KCNH8: variants seen among roughly 807,000 people sequenced by gnomAD.
KCNH8 encodes voltage-gated delayed rectifier potassium channel KCNH8.
A neutral mutation model predicts 103.6 loss-of-function variants in KCNH8; 70 were observed. The ratio of observed to expected loss-of-function variants is 0.68; its 90% CI spans 0.56 to 0.82. The LOEUF is 0.82. KCNH8 is among the 40% of genes least tolerant of loss of function. KCNH8 has a pLI of 0.00. For synonymous variants in KCNH8, 498 were observed against 489.4 expected (o/e 1.02, Z -0.23); for missense variants, 1,217 against 1,329.9 (o/e 0.92, Z 1.32).
chr3:19,318,860 G>A (rs1262748238), intron 3 of KCNH8, among the ~76,000 whole-genome samples: 1 of 151,564 alleles, frequency 6.6e-6, no homozygotes, highest in Non-Finnish European at 1.5e-5. Flanking sequence ...CAGGAGTGAG[G>A]TGGTGTCGCA....
intron 1 of KCNH8, among the ~76,000 whole-genome samples, chr3:19,187,916 A>G (rs1409955424): frequency 2.6e-5 from 4 of 152,036 alleles, no homozygotes; most frequent in Admixed American, 1.3e-4. Flanking sequence ...TGTCTTTAAT[A>G]TATTTATTGT....
At position 19,482,146 on chromosome 3, in the gene KCNH8, G is replaced by A. The variant is rs556032263; in HGVS notation, c.2040+25164G>A. Among the ~76,000 whole-genome samples the A allele has an allele frequency of 3.3e-5, 5 of 152,102 alleles. 1 individual carries two copies. The highest frequency in any genetic ancestry group is 1.2e-4 in the African/African-American group (5 of 41,388). ...CTGGGGGCTGCATGCACCTGCACCGGTAATTAGAATGGAAGAGAACAGGAC... is the reference window on the plus strand; with the variant it reads ...CTGGGGGCTGCATGCACCTGCACCGATAATTAGAATGGAAGAGAACAGGAC... On this transcript the variant is annotated intron_variant, in intron 11 of 15. Coordinates refer to ENST00000328405, the MANE Select transcript of KCNH8 (RefSeq NM_144633.3).
At chr3:19,267,550 A>G (rs539724272) in intron 2 of KCNH8, among the ~76,000 whole-genome samples, 6 of 152,204 alleles carry the variant, frequency 3.9e-5, no homozygotes, top group Admixed American at 3.9e-4. Context: ...AGAATGGAAA[A>G]AAATGTGACC....
chr3:19,374,487 T>G (rs1346800614), intron 5 of KCNH8, among the ~76,000 whole-genome samples: 1 of 152,196 alleles, frequency 6.6e-6, no homozygotes, highest in African/African-American at 2.4e-5. Flanking sequence ...TCATTTTATT[T>G]TGAGCCTAGT....
intron 11 of KCNH8, among the ~76,000 whole-genome samples, chr3:19,495,094 T>A (rs1336242382): frequency 6.6e-6 from 1 of 152,186 alleles, no homozygotes; most frequent in Non-Finnish European, 1.5e-5. Context: ...AGATTCTGGA[T>A]ATTAGACCTT....
chr3:19,305,982 TGTTA>T (rs2065124748), intron 3 of KCNH8, among the ~76,000 whole-genome samples: 1 of 152,200 alleles, frequency 6.6e-6, no homozygotes, highest in South Asian at 2.1e-4. Context: ...AACATAGGTA[TGTTA>T]GTTGTAAGAA....
At position 19,166,058 on chromosome 3, in the gene KCNH8, C is replaced by T. The variant is rs79146334; in HGVS notation, c.76+17263C>T. On this transcript the variant is annotated intron_variant, in intron 1 of 15. Coordinates refer to ENST00000328405, the MANE Select transcript of KCNH8 (RefSeq NM_144633.3). ...CAAGCATGGGCTTGGGAATGATGCC[C>T]TCCCACAGTGAGTGGGAGCTGAAAG... Among the ~76,000 whole-genome samples, 1,261 of 152,230 alleles carry T rather than the reference C, an allele frequency of 8.3e-3. 14 individuals are homozygous for T. Among genetic ancestry groups the T allele is most frequent in the African/African-American group, 0.028 (1,168 of 41,534 alleles).
intron 11 of KCNH8, among the ~76,000 whole-genome samples, chr3:19,498,897 G>A (rs1452713437): frequency 6.6e-6 from 1 of 152,100 alleles, no homozygotes; most frequent in Non-Finnish European, 1.5e-5. Context: ...CTGCTTGGGG[G>A]TCAGGGGTCA....
intron 11 of KCNH8, among the ~76,000 whole-genome samples, chr3:19,486,882 G>A (rs577186398): frequency 1.3e-5 from 2 of 152,256 alleles, no homozygotes; most frequent in African/African-American, 2.4e-5. Flanking sequence ...TCCAGGCTGC[G>A]CTCCCCTTTC....
At chr3:19,459,572 G>A (rs1026343551) in intron 11 of KCNH8, among the ~76,000 whole-genome samples, 1 of 151,904 alleles carries the variant, frequency 6.6e-6, no homozygotes, top group African/African-American at 2.4e-5. Context: ...TCTGTTGATT[G>A]TTCCTTTTCT....
intron 1 of KCNH8, among the ~76,000 whole-genome samples, chr3:19,209,747 C>T (rs2063751529): frequency 6.6e-6 from 1 of 151,980 alleles, no homozygotes; most frequent in Non-Finnish European, 1.5e-5. Context: ...TGAAACTTAA[C>T]AGGGAGGCAC....
In KCNH8 at chr3:19,365,455, C is replaced by A. The variant is rs544165907; in HGVS notation, c.811+17490C>A. Among the ~76,000 whole-genome samples the A allele has an allele frequency of 6.0e-5, 9 of 150,930 alleles. No homozygotes were observed. In the East Asian group the frequency reaches 1.7e-3, roughly 29 times the overall value. The stretch of plus-strand genomic sequence containing the variant: ...AAATATTTATAAACATATTTAATAT[C>A]TGCATAATATTCCATCATATAATGA... On this transcript the variant is annotated intron_variant, in intron 5 of 15. Transcript: ENST00000328405.
At chr3:19,467,020 T>C (rs2067752827) in intron 11 of KCNH8, among the ~76,000 whole-genome samples, 1 of 146,204 alleles carries the variant, frequency 6.8e-6, no homozygotes, top group Non-Finnish European at 1.5e-5. Context: ...AGTCTATTAA[T>C]GCACACTTAA....
At chr3:19,276,211 G>GTGTA (rs1553632391) in intron 2 of KCNH8, among the ~76,000 whole-genome samples, 1 of 149,242 alleles carries the variant, frequency 6.7e-6, no homozygotes. Flanking sequence ...GTGTGTGTGT[G>GTGTA]TATACATGTA....
rs1324381931 is a variant in KCNH8 at position 19,513,325 on chromosome 3, G to C, written c.2435G>C (p.Arg812Thr). 3 of 1,585,356 alleles carry C rather than the reference G, an allele frequency of 1.9e-6. No individual in the cohort carries two copies. In the Admixed American group the frequency reaches 5.4e-5, roughly 29 times the overall value. ...GCTGGACCCCCAGACCTCAGTCCAA[G>C]GTAAGAGTTCATATCATATAACTTT... ...NNAGPPDLSP[R>T]IVDGIEDGNS... The change falls in exon 13 of 16, where the codon AGG becomes ACG. Residue 812 changes from arginine (R) to threonine (T), a missense_variant and splice_region_variant. Transcript: ENST00000328405.
chr3:19,266,707 A>C (rs2064517435), intron 2 of KCNH8, among the ~76,000 whole-genome samples: 1 of 152,074 alleles, frequency 6.6e-6, no homozygotes, highest in Non-Finnish European at 1.5e-5. Context: ...TTTCAATTGA[A>C]GCCCTATATT....
intron 2 of KCNH8, among the ~76,000 whole-genome samples, chr3:19,274,591 A>G (rs898794865): frequency 6.6e-6 from 1 of 152,126 alleles, no homozygotes; most frequent in Non-Finnish European, 1.5e-5. Context: ...TAATTTGTTG[A>G]GCAAGGATGT....
In KCNH8 at chr3:19,334,709, TA is replaced by T. The variant is rs929953695; in HGVS notation, c.443-7865del. Among the ~76,000 whole-genome samples the T allele has an allele frequency of 5.8e-3, 787 of 134,876 alleles. 1 individual carries two copies. The highest frequency in any genetic ancestry group is 6.9e-3 in the Admixed American group (92 of 13,344). 88.5% of individuals were successfully genotyped at this position (134,876 alleles called of 152,430 possible). On this transcript the variant is annotated intron_variant, in intron 3 of 15. Coordinates refer to ENST00000328405, the MANE Select transcript of KCNH8 (RefSeq NM_144633.3). ...TTAGTTTATATGAGGTCAGTGATGT[TA>T]AAAAAAAAAAAAGCCTAGAACAAAG...
intron 1 of KCNH8, among the ~76,000 whole-genome samples, chr3:19,206,950 C>T (rs1370673923): frequency 2.6e-5 from 4 of 151,912 alleles, no homozygotes; most frequent in Admixed American, 6.6e-5. Flanking sequence ...GAGGAAATCA[C>T]GGGTTTGGTT....
Sources: allele counts gnomAD v4.1 joint callset (sites outside exome capture counted in the v4.1 genomes callset), GRCh38; gene constraint gnomAD v4.1.1; transcripts MANE v1.5; gene names NCBI Gene and HGNC (gene_info 2026-07-23, HGNC 2026-07-21).